The following WFDC3 variants were observed in gnomAD, a reference collection of about 807,000 sequenced individuals.
The protein encoded by WFDC3 is WAP four-disulfide core domain 3.
WFDC3 carries 15 observed loss-of-function variants against 25.8 expected under a neutral mutation model. That is an observed-to-expected ratio of 0.58 (90% CI 0.39 to 0.89). The LOEUF is 0.89. Ranked by LOEUF, WFDC3 falls within the 40% of genes least tolerant of loss-of-function variation. The pLI is 0.00. For missense variants in WFDC3, 264 were observed against 289.8 expected (o/e 0.91, Z 0.65); for synonymous variants, 103 against 107.1 (o/e 0.96, Z 0.24).
At chr20:45,785,729 C>T (rs1260736010) in intron 4 of WFDC3, among the ~76,000 whole-genome samples, 1 of 152,096 alleles carries the variant, frequency 6.6e-6, no homozygotes, top group Non-Finnish European at 1.5e-5. Flanking sequence ...ACATAGAAGA[C>T]ATGCCATCAA....
intron 3 of WFDC3, chr20:45,788,701 C>A: frequency 2.2e-6 from 1 of 448,784 alleles, no homozygotes; most frequent in Non-Finnish European, 3.8e-6. Context: ...ACTTTGAGTC[C>A]AAAGTAAAAG....
chr20:45,788,872 T>C (rs981383840), intron 3 of WFDC3, 59 bp downstream of exon 3: 2 of 1,548,054 alleles, frequency 1.3e-6, no homozygotes, highest in Admixed American at 4.2e-5. Flanking sequence ...TCTACTTCCA[T>C]CTATCCCAGA....
chr20:45,778,157 G>A (rs550959771), intron 4 of WFDC3, among the ~76,000 whole-genome samples: 11 of 152,270 alleles, frequency 7.2e-5, no homozygotes, highest in African/African-American at 2.4e-4. Context: ...GAAACCAGCC[G>A]CCATGCTATA....
chr20:45,775,378 A>C, intron 6 of WFDC3, 39 bp downstream of exon 6: 1 of 1,602,276 alleles, frequency 6.2e-7, no homozygotes, highest in Non-Finnish European at 8.5e-7. Context: ...TGCACATAGC[A>C]GTTGTCTGTT....
At chr20:45,786,042 A>T (rs116028773) in intron 4 of WFDC3, among the ~76,000 whole-genome samples, 334 of 152,234 alleles carry the variant, frequency 2.2e-3, no homozygotes, top group African/African-American at 7.6e-3. Context: ...GCTAACTTCA[A>T]ATCGCTCTCC....
At chr20:45,781,327 AG>A (rs935811255) in intron 4 of WFDC3, among the ~76,000 whole-genome samples, 7 of 152,192 alleles carry the variant, frequency 4.6e-5, no homozygotes, top group Non-Finnish European at 1.0e-4. Flanking sequence ...AAAACCAAGA[AG>A]CACTGGGACT....
intron 4 of WFDC3, among the ~76,000 whole-genome samples, chr20:45,783,036 G>A (rs2145686212): frequency 6.8e-6 from 1 of 147,596 alleles, no homozygotes; most frequent in South Asian, 2.2e-4. Flanking sequence ...GGGTTATTAT[G>A]TATTTGTTTT....
Position 45,777,113 on chromosome 20 carries a change from G to T in WFDC3, c.455C>A (p.Thr152Asn), listed in dbSNP as rs775654046. 101 of 1,612,246 alleles carry T rather than the reference G, an allele frequency of 6.3e-5. No individual in the cohort carries two copies. Among genetic ancestry groups the T allele is most frequent in the Non-Finnish European group, 8.5e-5 (100 of 1,179,268 alleles). Reference sequence around the variant, plus strand: ...TCCGAGGCAGGTGCGGCCACAGCCGGTGCTGCAGCATTTATGCCCCTGGGG... The same window carrying T: ...TCCGAGGCAGGTGCGGCCACAGCCGTTGCTGCAGCATTTATGCCCCTGGGG... The part of the protein sequence containing the change: ...SCPQGHKCCS[T>N]GCGRTCLGDI... The change falls in exon 5 of 7, where the codon ACC (threonine) becomes AAC (asparagine). Residue 152 changes from threonine to asparagine, a missense_variant. Transcript: ENST00000243938.
In WFDC3 at chr20:45,777,111, CG is replaced by C; in HGVS notation, c.456del (p.Gly153AlafsTer31). On this transcript the variant is annotated frameshift_variant, in exon 5 of 7. Transcript: ENST00000243938. LOFTEE classifies it high-confidence loss of function. ...TCTCCGAGGCAGGTGCGGCCACAGC[CG>C]GTGCTGCAGCATTTATGCCCCTGGG... ...SCPQGHKCCSTGCGRTCLGDI... is the reference protein window; with the variant it reads ...SCPQGHKCCSXGCGRTCLGDI... The C allele has an allele frequency of 6.2e-7, 1 of 1,612,524 alleles. No homozygotes were observed. The highest frequency in any genetic ancestry group is 1.3e-5 in the African/African-American group (1 of 74,844).
chr20:45,787,176 TC>T (rs1472579583), intron 4 of WFDC3, among the ~76,000 whole-genome samples: 34 of 83,612 alleles, frequency 4.1e-4, no homozygotes, highest in African/African-American at 1.4e-3. Context: ...GCATCAAGAT[TC>T]TTTTTTTTTT....
rs766324198 is a variant in WFDC3, at chr20:45,787,995, G to C, written c.212-13C>G. 3 of 1,610,318 alleles carry C rather than the reference G, an allele frequency of 1.9e-6. No homozygotes were observed. In the East Asian group the frequency reaches 6.7e-5, roughly 36 times the overall value. On this transcript the variant is annotated splice_polypyrimidine_tract_variant and intron_variant, in intron 3 of 6. Transcript: ENST00000243938. ...TCTCTTTTCCTCCCTGTAGCAAAAA[G>C]GGAGACAGCAAAGAAAAGAGAAAAT...
intron 6 of WFDC3, among the ~76,000 whole-genome samples, chr20:45,774,926 G>A (rs1194424992): frequency 1.5e-5 from 2 of 132,162 alleles, no homozygotes; most frequent in Admixed American, 8.3e-5. Context: ...TGGGTGACAA[G>A]AGTGAAACTC....
chr20:45,778,617 A>C (rs1406015928), intron 4 of WFDC3: 1 of 152,242 alleles, frequency 6.6e-6, no homozygotes, highest in Non-Finnish European at 1.5e-5. Context: ...CCAAAGATAG[A>C]CATTACACAG....
At chr20:45,776,278 C>CTGTG (rs3080047) in intron 5 of WFDC3, among the ~76,000 whole-genome samples, 3,275 of 101,972 alleles carry the variant, frequency 0.032, 102 homozygotes, top group African/African-American at 0.074. Flanking sequence ...GCTTTTATCT[C>CTGTG]TGTGTGTGTG....
intron 1 of WFDC3, among the ~76,000 whole-genome samples, chr20:45,791,110 A>C (rs1022648714): frequency 5.3e-5 from 8 of 150,036 alleles, no homozygotes; most frequent in Non-Finnish European, 8.9e-5. Context: ...TATGGTTAGA[A>C]GGCTGATGTT....
chr20:45,775,516 A>G lies in WFDC3; in HGVS notation c.580T>C (p.Cys194Arg), dbSNP rs1405827008. 6.2e-7 allele frequency: 1 copy of G among 1,614,102 alleles called. No individual in the cohort carries two copies. The highest frequency in any genetic ancestry group is 2.2e-5 in the East Asian group (1 of 44,882). The change falls in exon 6 of 7, where the codon TGT (cysteine) becomes CGT (arginine). Residue 194 changes from cysteine to arginine, a missense_variant. Cys to Arg is a radical substitution (Grantham distance 180). Transcript: ENST00000243938. ...AAGCGGCCACAGCCTGACTTGCAAC[A>G]TTTTTCTCCAGCTTGACAATTCTCA... ...MDENCQAGEK[C>R]CKSGCGRFCV...
chr20:45,783,469 C>T (rs183198285), intron 4 of WFDC3, among the ~76,000 whole-genome samples: 3 of 151,778 alleles, frequency 2.0e-5, no homozygotes, highest in Admixed American at 2.0e-4. Context: ...TAGAGTGAGA[C>T]CTTGTCCCAG....
At chr20:45,780,054 C>G (rs1365388241) in intron 4 of WFDC3, among the ~76,000 whole-genome samples, 2 of 146,656 alleles carry the variant, frequency 1.4e-5, no homozygotes, top group African/African-American at 2.5e-5. Flanking sequence ...AGCTAGACAG[C>G]CTTTATACCT....
intron 4 of WFDC3, among the ~76,000 whole-genome samples, chr20:45,787,448 G>C (rs1456067757): frequency 6.6e-6 from 1 of 151,468 alleles, no homozygotes; most frequent in Non-Finnish European, 1.5e-5. Flanking sequence ...CCGCCACCAC[G>C]CCCGGCTACT....
Sources: allele counts gnomAD v4.1 joint callset (sites outside exome capture counted in the v4.1 genomes callset), GRCh38; gene constraint gnomAD v4.1.1; transcripts MANE v1.5; gene names NCBI Gene and HGNC (gene_info 2026-07-23, HGNC 2026-07-21).